Variants in SLC5A4 observed in about 807,000 individuals in gnomAD.
SLC5A4 encodes the protein solute carrier family 5 member 4.
A neutral mutation model predicts 70.3 loss-of-function variants in SLC5A4; 55 were observed. The ratio of observed to expected loss-of-function variants is 0.78; its 90% confidence interval spans 0.63 to 0.98. The LOEUF (loss-of-function observed/expected upper bound fraction) is 0.98, where lower values mean the gene tolerates loss of function less well. Ranked by LOEUF, SLC5A4 falls within the 50% of genes least tolerant of loss-of-function variation. SLC5A4 has a pLI of 0.00. For missense variants in SLC5A4, 735 were observed against 839.2 expected, an observed-to-expected ratio of 0.88 and a Z score of 1.53; for synonymous variants, 268 against 305.7, an observed-to-expected ratio of 0.88 and a Z score of 1.29.
chr22:32,342,308 T>C, the SLC5A4 span, among the ~76,000 whole-genome samples: 31 of 152,282 alleles, frequency 2.0e-4, no homozygotes, highest in African/African-American at 2.4e-4. Flanking sequence ...CCAAGTAACA[T>C]TGTAGAAGCC....
chr22:32,291,325 G>A, the SLC5A4 span, among the ~76,000 whole-genome samples: 6 of 151,334 alleles, frequency 4.0e-5, no homozygotes, highest in East Asian at 2.0e-4. Flanking sequence ...ACAGGCGTGC[G>A]CCACCATGCC....
At chr22:32,276,979 C>T in the SLC5A4 span, 1 of 152,092 alleles carries the variant, frequency 6.6e-6, no homozygotes, top group African/African-American at 2.4e-5. Context: ...GTTTTGGCAT[C>T]TCTTATGACT....
At chr22:32,312,918 G>A in the SLC5A4 span, among the ~76,000 whole-genome samples, 323 of 152,308 alleles carry the variant, frequency 2.1e-3, 5 homozygotes, top group African/African-American at 7.3e-3. Flanking sequence ...GAAGAATCCA[G>A]GTTTCCTCTG....
At chr22:32,306,956 G>A in the SLC5A4 span, among the ~76,000 whole-genome samples, 1 of 152,154 alleles carries the variant, frequency 6.6e-6, no homozygotes, top group East Asian at 1.9e-4. Flanking sequence ...GGCCAGGGTG[G>A]CCATGTCATC....
the SLC5A4 span, among the ~76,000 whole-genome samples, chr22:32,264,199 T>C: frequency 1.4e-5 from 2 of 147,934 alleles, no homozygotes; most frequent in Non-Finnish European, 3.0e-5. Context: ...AAAAAAAAAT[T>C]AAAAAAAAAA....
the SLC5A4 span, among the ~76,000 whole-genome samples, chr22:32,344,375 C>T: frequency 6.6e-6 from 1 of 152,146 alleles, no homozygotes; most frequent in Non-Finnish European, 1.5e-5. Flanking sequence ...TCTCATTCCA[C>T]ATGTCCCCAG....
chr22:32,235,576 A>G (rs1201927695), intron 7 of SLC5A4, among the ~76,000 whole-genome samples: 2 of 152,152 alleles, frequency 1.3e-5, no homozygotes, highest in Non-Finnish European at 2.9e-5. Context: ...TTTCTGGTGC[A>G]ACACTATATT....
the SLC5A4 span, among the ~76,000 whole-genome samples, chr22:32,312,386 C>CACACACACACACACACAT: frequency 2.9e-4 from 43 of 150,438 alleles, no homozygotes; most frequent in African/African-American, 7.6e-4. Flanking sequence ...CACACACACA[C>CACACACACACACACACAT]GCACATTCAA....
chr22:32,240,760 G>A (rs1020262427), intron 5 of SLC5A4, among the ~76,000 whole-genome samples: 3 of 152,076 alleles, frequency 2.0e-5, no homozygotes, highest in East Asian at 1.9e-4. Context: ...GAAAACTGAG[G>A]CTTAGGGAAT....
At chr22:32,305,979 A>G in the SLC5A4 span, among the ~76,000 whole-genome samples, 1 of 151,988 alleles carries the variant, frequency 6.6e-6, no homozygotes, top group Non-Finnish European at 1.5e-5. Context: ...GGATGGACTC[A>G]CGTGCCCAGT....
the SLC5A4 span, among the ~76,000 whole-genome samples, chr22:32,328,553 G>A: frequency 4.9e-4 from 75 of 152,164 alleles, no homozygotes; most frequent in African/African-American, 1.6e-3. Context: ...CAACCAACAC[G>A]TGAACCTACT....
At chr22:32,244,005 T>C (rs530662190) in intron 5 of SLC5A4, among the ~76,000 whole-genome samples, 3 of 152,238 alleles carry the variant, frequency 2.0e-5, no homozygotes, top group South Asian at 4.2e-4. Flanking sequence ...TGTGTTGAAG[T>C]TGGGGCTAGA....
chr22:32,253,875 G>C (rs920474685), intron 2 of SLC5A4, among the ~76,000 whole-genome samples: 2 of 151,908 alleles, frequency 1.3e-5, no homozygotes, highest in African/African-American at 4.8e-5. Context: ...CTGCCTCCCA[G>C]GTTCAAGTGA....
At chr22:32,321,420 C>G in the SLC5A4 span, among the ~76,000 whole-genome samples, 3 of 152,164 alleles carry the variant, frequency 2.0e-5, no homozygotes, top group African/African-American at 7.2e-5. Flanking sequence ...CCACTGCACT[C>G]CAGCCTGGAT....
chr22:32,344,878 G>A, the SLC5A4 span, among the ~76,000 whole-genome samples: 1 of 151,854 alleles, frequency 6.6e-6, no homozygotes, highest in Non-Finnish European at 1.5e-5. Flanking sequence ...TTCAGAATAC[G>A]GAAATTAAAG....
the SLC5A4 span, among the ~76,000 whole-genome samples, chr22:32,342,075 T>C: frequency 6.6e-6 from 1 of 152,230 alleles, no homozygotes; most frequent in Non-Finnish European, 1.5e-5. Flanking sequence ...CCCTGGTATA[T>C]GATACAAACT....
At chr22:32,299,706 G>A in the SLC5A4 span, among the ~76,000 whole-genome samples, 1 of 106,550 alleles carries the variant, frequency 9.4e-6, no homozygotes, top group Non-Finnish European at 2.0e-5. Context: ...GAGGAACTGC[G>A]TTCCTTTGGA....
chr22:32,288,120 G>T, the SLC5A4 span, among the ~76,000 whole-genome samples: 1 of 151,856 alleles, frequency 6.6e-6, no homozygotes, highest in Non-Finnish European at 1.5e-5. Context: ...AAAGTGTTGG[G>T]ATTACAGACA....
chr22:32,340,766 G>C, the SLC5A4 span, among the ~76,000 whole-genome samples: 1 of 152,154 alleles, frequency 6.6e-6, no homozygotes, highest in Non-Finnish European at 1.5e-5. Flanking sequence ...GGACAGTGGG[G>C]TGGGGTGGGG....
Sources: allele counts gnomAD v4.1 joint callset (sites outside exome capture counted in the v4.1 genomes callset), GRCh38; gene constraint gnomAD v4.1.1; transcripts MANE v1.5; gene names NCBI Gene and HGNC (gene_info 2026-07-23, HGNC 2026-07-21).